Variants in TBC1D2 observed in about 807,000 individuals in gnomAD.
TBC1D2 encodes the protein TBC1 domain family member 2.
Under a neutral mutation model 91.1 loss-of-function variants are expected in TBC1D2, and 58 were observed. The ratio of observed to expected loss-of-function variants is 0.64; its 90% confidence interval spans 0.52 to 0.79. The LOEUF (loss-of-function observed/expected upper bound fraction) is 0.79. Among genes scored for constraint, TBC1D2 ranks in the 30% least tolerant of loss-of-function variants. The pLI, the probability that TBC1D2 is intolerant of heterozygous loss-of-function variation, is 0.00. For synonymous variants in TBC1D2, 482 were observed against 511.5 expected, an observed-to-expected ratio of 0.94 and a Z score of 0.78; for missense variants, 1,080 against 1,208.3, an observed-to-expected ratio of 0.89 and a Z score of 1.57.
rs1334024364 is a variant in TBC1D2 at position 98,220,871 on chromosome 9, C to T, written c.1336G>A (p.Asp446Asn). The T allele has an allele frequency of 6.2e-7, 1 of 1,614,164 alleles. No individual in the cohort carries two copies. The highest frequency in any genetic ancestry group is 1.7e-5 in the Admixed American group (1 of 60,028). ...SPLRPDAANR[D>N]FLSQQGKIEH... is the part of the protein sequence containing the mutation. ...ATCTTCCCCTGCTGGCTCAGGAAGT[C>T]CCTGTTGGCAGCGTCGGGGCGCAAA... Residue 446 changes from aspartate to asparagine, a missense_variant, in exon 6 of 13, where the codon GAC becomes AAC. Physicochemically the swap from Asp to Asn is conservative, Grantham distance 23 (BLOSUM62 1). Coordinates refer to ENST00000465784, the MANE Select transcript of TBC1D2 (RefSeq NM_001267571.2).
At position 98,238,404 on chromosome 9, in the gene TBC1D2, T is replaced by C. The variant is rs116961700; in HGVS notation, c.648-4855A>G. On this transcript the variant is annotated intron_variant, in intron 3 of 12. Coordinates refer to ENST00000465784, the MANE Select transcript of TBC1D2 (RefSeq NM_001267571.2). ...ATTTTTGGGTTGTTTATTACAGGTG[T>C]ATAGAAATACAACTGATATTTCTAT... Among the ~76,000 whole-genome samples, 27 of 137,594 alleles carry C rather than the reference T, an allele frequency of 2.0e-4. 2 individuals carry two copies. In the East Asian group the frequency reaches 4.4e-3, roughly 23 times the overall value. The allele number at this position is 137,594 out of a possible 152,430, so 90.3% of individuals were successfully genotyped here.
chr9:98,228,918 T>C lies in TBC1D2; in HGVS notation c.978+34A>G, dbSNP rs372913635. 4 of 1,601,434 alleles carry C rather than the reference T, an allele frequency of 2.5e-6. No homozygotes were observed. The highest frequency in any genetic ancestry group is 3.4e-6 in the Non-Finnish European group (4 of 1,171,710). ...GGCTCCAGGAACTGGAGGGGTCCACTGGAACCTGGGGCCTCCCTGGGACCA... is the reference window on the plus strand; with the variant it reads ...GGCTCCAGGAACTGGAGGGGTCCACCGGAACCTGGGGCCTCCCTGGGACCA... On this transcript the variant is annotated intron_variant, in intron 5 of 12. Coordinates refer to ENST00000465784, the MANE Select transcript of TBC1D2 (RefSeq NM_001267571.2). This position sits in a 1 kb window ranked among gnomAD's most constrained non-coding sequence, Gnocchi z 4.0.
chr9:98,236,031 A>G (rs12342612), intron 3 of TBC1D2, among the ~76,000 whole-genome samples: 66,348 of 151,050 alleles, frequency 0.44, 17,379 homozygotes, highest in African/African-American at 0.74. Flanking sequence ...GTGAGACTCC[A>G]TCTCAAAAGA....
At chr9:98,241,104 T>C (rs76007737) in intron 3 of TBC1D2, among the ~76,000 whole-genome samples, 16,163 of 152,228 alleles carry the variant, frequency 0.11, 1,037 homozygotes, top group Admixed American at 0.15. Flanking sequence ...AGTGAAACAC[T>C]ATGATGCATT....
intron 4 of TBC1D2, 21 bp downstream of exon 4, chr9:98,233,395 C>T: frequency 6.2e-7 from 1 of 1,604,074 alleles, no homozygotes; most frequent in Non-Finnish European, 8.5e-7. Context: ...GAAGGCAGCT[C>T]AGCCCTGGAC....
At chr9:98,246,953 G>T (rs1432449367) in intron 2 of TBC1D2, among the ~76,000 whole-genome samples, 1 of 151,982 alleles carries the variant, frequency 6.6e-6, no homozygotes, top group Non-Finnish European at 1.5e-5. Context: ...AACCAAACCT[G>T]GCTTTGGGTA....
At chr9:98,232,960 G>A (rs1829408756) in intron 4 of TBC1D2, among the ~76,000 whole-genome samples, 2 of 151,640 alleles carry the variant, frequency 1.3e-5, no homozygotes, top group Admixed American at 1.3e-4. Context: ...TGGAATTGTA[G>A]GCACTGGCCA....
At chr9:98,236,295 C>T (rs1829503118) in intron 3 of TBC1D2, among the ~76,000 whole-genome samples, 1 of 151,908 alleles carries the variant, frequency 6.6e-6, no homozygotes, top group Admixed American at 6.6e-5. Context: ...ACGATCTCGG[C>T]TCACTGCAAC....
rs1829946263 is a variant in TBC1D2, at chr9:98,255,160, T to A, written c.369+13A>T. On this transcript the variant is annotated intron_variant, in intron 1 of 12. Coordinates refer to ENST00000465784, the MANE Select transcript of TBC1D2 (RefSeq NM_001267571.2). ...ACGCCGCTGGAAAGGAGAAAGTCGTTGCAGGAATTTACCTTCAGGGTAATA... is the reference window on the plus strand; with the variant it reads ...ACGCCGCTGGAAAGGAGAAAGTCGTAGCAGGAATTTACCTTCAGGGTAATA... 8.2e-6 allele frequency: 13 copies of A among 1,592,058 alleles called. No homozygotes were observed. The highest frequency in any genetic ancestry group is 1.3e-5 in the African/African-American group (1 of 74,366).
At chr9:98,248,614 A>C (rs1469055429) in intron 2 of TBC1D2, among the ~76,000 whole-genome samples, 5 of 152,230 alleles carry the variant, frequency 3.3e-5, no homozygotes. Flanking sequence ...TTCTTACTAC[A>C]TGACCTAGGA....
intron 2 of TBC1D2, among the ~76,000 whole-genome samples, chr9:98,247,605 T>A (rs940233092): frequency 6.6e-6 from 1 of 151,496 alleles, no homozygotes; most frequent in Admixed American, 6.6e-5. Context: ...GGCACGCACC[T>A]ATAGTCCCAG....
chr9:98,251,683 C>A, intron 2 of TBC1D2, 102 bp downstream of exon 2: 1 of 1,432,018 alleles, frequency 7.0e-7, no homozygotes, highest in Non-Finnish European at 9.1e-7. Flanking sequence ...TGGCTCTCTG[C>A]TTCCTTAGCA....
At chr9:98,207,375 C>T (rs1279976753) in intron 9 of TBC1D2, among the ~76,000 whole-genome samples, 1 of 152,206 alleles carries the variant, frequency 6.6e-6, no homozygotes, top group African/African-American at 2.4e-5. Context: ...TGAAAACTTG[C>T]TTTGGGAAAA....
intron 3 of TBC1D2, among the ~76,000 whole-genome samples, chr9:98,243,389 A>C (rs2131280625): frequency 6.6e-6 from 1 of 152,242 alleles, no homozygotes; most frequent in Non-Finnish European, 1.5e-5. Context: ...TACTTTACTT[A>C]TAATCAAGTG....
intron 9 of TBC1D2, among the ~76,000 whole-genome samples, chr9:98,207,712 GCTGGT>G (rs1239005735): frequency 2.0e-5 from 3 of 152,350 alleles, no homozygotes; most frequent in African/African-American, 7.2e-5. Context: ...ATGGACAGAG[GCTGGT>G]CTGCTGAGAG....
intron 9 of TBC1D2, among the ~76,000 whole-genome samples, chr9:98,207,495 C>A (rs1444391890): frequency 6.6e-6 from 1 of 152,204 alleles, no homozygotes; most frequent in Non-Finnish European, 1.5e-5. Flanking sequence ...TGACCTCATC[C>A]CCTAACCCCA....
In TBC1D2 at chr9:98,220,935, C is replaced by G; in HGVS notation, c.1272G>C (p.Lys424Asn). The G allele has an allele frequency of 6.2e-7, 1 of 1,614,164 alleles. No individual in the cohort carries two copies. Among genetic ancestry groups the G allele is most frequent in the Non-Finnish European group, 8.5e-7 (1 of 1,180,020 alleles). ...KQQVICKLSEKVTQDFTHPPD... is the reference protein window; with the variant it reads ...KQQVICKLSENVTQDFTHPPD... Reference sequence around the variant, plus strand: ...GGGGGTGCGTGAAGTCCTGGGTGACCTTCTCAGAGAGCTTGCAGATGACCT... The same window carrying G: ...GGGGGTGCGTGAAGTCCTGGGTGACGTTCTCAGAGAGCTTGCAGATGACCT... The change falls in exon 6 of 13, where the codon AAG becomes AAC. Residue 424 changes from lysine to asparagine, a missense_variant. Lys to Asn is a moderately conservative substitution (Grantham distance 94). Transcript: ENST00000465784.
intron 7 of TBC1D2, among the ~76,000 whole-genome samples, chr9:98,211,265 A>C (rs1372701638): frequency 3.9e-5 from 6 of 152,152 alleles, no homozygotes; most frequent in Non-Finnish European, 7.3e-5. Context: ...GATGTGTATA[A>C]AGCCCTTCCC....
Position 98,255,593 on chromosome 9 carries a change from G to A in TBC1D2, c.-52C>T. 6.9e-7 allele frequency: 1 copy of A among 1,445,694 alleles called. No homozygotes were observed. Among genetic ancestry groups the A allele is most frequent in the South Asian group, 1.5e-5 (1 of 66,612 alleles). The allele number at this position is 1,445,694 out of a possible 1,614,324, so 89.6% of individuals were successfully genotyped here. ...ACGAGGGGTCCGCGGGACCACCAGGGACAAATCTCGGAGACTCGGCGGGCA... is the reference window on the plus strand; with the variant it reads ...ACGAGGGGTCCGCGGGACCACCAGGAACAAATCTCGGAGACTCGGCGGGCA... On this transcript the variant is annotated 5_prime_UTR_variant, in exon 1 of 13. Coordinates refer to ENST00000465784, the MANE Select transcript of TBC1D2 (RefSeq NM_001267571.2).
Sources: gnomAD v4.1 joint callset for allele counts (sites outside exome capture counted in the v4.1 genomes callset) on GRCh38, gnomAD v4.1.1 for gene constraint, Gnocchi (gnomAD v3.1) non-coding constraint, MANE v1.5 for transcripts, NCBI Gene and HGNC (gene_info 2026-07-23, HGNC 2026-07-21) for gene names.